Variants in SLC25A22 observed in about 807,000 individuals in gnomAD.
The protein encoded by SLC25A22 is mitochondrial glutamate carrier 1.
A neutral mutation model predicts 33.7 loss-of-function variants in SLC25A22; 23 were observed. That is an observed-to-expected ratio of 0.68 (90% CI 0.49 to 0.97). SLC25A22 has a LOEUF of 0.97. Ranked by LOEUF, SLC25A22 falls within the 50% of genes least tolerant of loss-of-function variation. SLC25A22 has a pLI of 0.00. For missense variants in SLC25A22, 390 were observed against 451.1 expected, an observed-to-expected ratio of 0.86 and a Z score of 1.23; for synonymous variants, 245 against 203.8, an observed-to-expected ratio of 1.20 and a Z score of -1.72.
intron 1 of SLC25A22, among the ~76,000 whole-genome samples, chr11:797,237 G>C (rs925576315): frequency 2.0e-5 from 3 of 152,216 alleles, no homozygotes; most frequent in African/African-American, 7.2e-5. Flanking sequence ...ACGTCACCCA[G>C]TGCAGCGGAG....
rs1008137803 is a variant in SLC25A22, at chr11:790,513, A to C, written c.*1402T>G. 3.3e-5 allele frequency: 5 copies of C among 152,232 alleles called. No individual in the cohort carries two copies. Among genetic ancestry groups the C allele is most frequent in the Non-Finnish European group, 7.3e-5 (5 of 68,048 alleles). 9.4% of individuals were successfully genotyped at this position (152,232 alleles called of 1,614,324 possible). A position where few individuals can be genotyped will look rare whatever the true frequency, so the allele number is the denominator to read the frequency against. ...TTTATTTATTCTCTGACATGACAAGACACAAAAAGTTACAACTTCTTAAAA... is the reference window on the plus strand; with the variant it reads ...TTTATTTATTCTCTGACATGACAAGCCACAAAAAGTTACAACTTCTTAAAA... On this transcript the variant is annotated 3_prime_UTR_variant, in exon 10 of 10. Transcript: ENST00000628067.
chr11:794,721 C>A, intron 3 of SLC25A22, 55 bp downstream of exon 3: 1 of 1,578,582 alleles, frequency 6.3e-7, no homozygotes, highest in Non-Finnish European at 8.6e-7. Flanking sequence ...AGAGCCCCCA[C>A]CTCTCCTGCT....
intron 1 of SLC25A22, among the ~76,000 whole-genome samples, chr11:797,184 C>A (rs1864866299): frequency 6.6e-6 from 1 of 152,212 alleles, no homozygotes; most frequent in Non-Finnish European, 1.5e-5. Flanking sequence ...AGAAGAGAAG[C>A]AGGCCCAGAG....
Position 792,548 on chromosome 11 carries a change from C to T in SLC25A22, c.587+5G>A, listed in dbSNP as rs779326525. On this transcript the variant is annotated splice_donor_5th_base_variant and intron_variant, in intron 7 of 9. Transcript: ENST00000628067. ...CCCTCCCCCCACCTGCCCTGTGCCT[C>T]CTACCTGAGCAGCGTGGCCCCGAGT... 1 of 1,612,252 alleles carries T rather than the reference C, an allele frequency of 6.2e-7. No individual in the cohort carries two copies. The highest frequency in any genetic ancestry group is 1.6e-4 in the Middle Eastern group (1 of 6,084).
rs1864643841 is a variant in SLC25A22, at chr11:793,542, G to A, written c.280C>T (p.Leu94Phe). ...CAGAACCCTCACCCGTCCTTAGAGA[G>A]CTGATGTCGGAAGAAGTCGTTGGCT... The part of the protein sequence containing the change: ...LAANDFFRHQ[L>F]SKDGQKLTLL... The change falls in exon 5 of 10, where the codon CTC becomes TTC. Residue 94 changes from leucine (L) to phenylalanine (F), a missense_variant. Transcript: ENST00000628067. The A allele has an allele frequency of 6.2e-7, 1 of 1,613,500 alleles. No individual in the cohort carries two copies. Among genetic ancestry groups the A allele is most frequent in the South Asian group, 1.1e-5 (1 of 91,076 alleles).
At chr11:793,928 C>G in intron 4 of SLC25A22, 1 of 500,150 alleles carries the variant, frequency 2.0e-6, no homozygotes, top group Non-Finnish European at 3.7e-6. Context: ...GGATACCTCT[C>G]CCTCCCTGGA....
In SLC25A22 at chr11:792,598, C is replaced by T. The variant is rs752986397; in HGVS notation, c.542G>A (p.Arg181His). Residue 181 changes from arginine to histidine, a missense_variant, in exon 7 of 10, where the codon CGT becomes CAT. Physicochemically the swap from Arg to His is conservative, Grantham distance 29. Transcript: ENST00000628067. ...TQLTRDLLRS[R>H]GIAGLYKGLG... ...TCCCTTGTAGAGACCGGCAATGCCA[C>T]GGCTCCGCAGCAGGTCGCGGGTCAG... is the stretch of plus-strand genomic sequence containing the variant. 5 of 1,610,834 alleles carry T rather than the reference C, an allele frequency of 3.1e-6. No individual in the cohort carries two copies. Among genetic ancestry groups the T allele is most frequent in the Non-Finnish European group, 4.2e-6 (5 of 1,179,306 alleles).
At chr11:794,608 C>T (rs1363639947) in intron 3 of SLC25A22, 95 bp from the exon 4 acceptor site, 5 of 1,545,876 alleles carry the variant, frequency 3.2e-6, no homozygotes, top group East Asian at 2.4e-5. Context: ...GAGGCCAAGT[C>T]CTCAGCCCAG....
At chr11:793,368 G>C in intron 5 of SLC25A22, 161 bp downstream of exon 5, 2 of 709,768 alleles carry the variant, frequency 2.8e-6, no homozygotes, top group Non-Finnish European at 5.0e-6. Context: ...TTGCTCCCCT[G>C]GTCAGGGGAA....
chr11:794,396 G>C (rs1864683225), intron 4 of SLC25A22, 62 bp downstream of exon 4: 4 of 1,578,780 alleles, frequency 2.5e-6, no homozygotes, highest in Admixed American at 1.7e-5. Flanking sequence ...ACCGCTCCCT[G>C]CCACGACTCG....
Position 792,494 on chromosome 11 carries a change from G to A in SLC25A22, c.588-36C>T, listed in dbSNP as rs1409197501. On this transcript the variant is annotated intron_variant, in intron 7 of 9. Coordinates refer to ENST00000628067, the MANE Select transcript of SLC25A22 (RefSeq NM_001191061.2). ...GGAGGTGGCCGTGGGGACAGGAGGT[G>A]GTGGGGTGGGCAGGCCGGCCTCCCC... The A allele has an allele frequency of 2.5e-6, 4 of 1,612,786 alleles. No individual in the cohort carries two copies. In the Admixed American group the frequency reaches 6.7e-5, roughly 27 times the overall value.
intron 1 of SLC25A22, chr11:796,143 A>T (rs1864816089): frequency 6.5e-6 from 1 of 152,840 alleles, no homozygotes; most frequent in South Asian, 2.0e-4. Context: ...GCCATCCACC[A>T]CCGACCCCCG....
rs1246435430 is a variant in SLC25A22 at position 792,338 on chromosome 11, C to A, written c.708G>T (p.Gly236=). The change falls in exon 8 of 10, where the codon GGG becomes GGT. Residue 236 remains glycine, a synonymous_variant. Coordinates refer to ENST00000628067, the MANE Select transcript of SLC25A22 (RefSeq NM_001191061.2). ...GGTTGACGGCCACAGCGGCGGCACT[C>A]CCAGCCACACAGCCGGCCAGGAAGG... ...YVSFLAGCVA[G]SAAAVAVNPC... 2 of 1,613,096 alleles carry A rather than the reference C, an allele frequency of 1.2e-6. No homozygotes were observed. The highest frequency in any genetic ancestry group is 2.7e-5 in the African/African-American group (2 of 74,934).
rs1443168868 is a variant in SLC25A22, at chr11:792,593, T to C, written c.547A>G (p.Ile183Val). The C allele has an allele frequency of 6.2e-7, 1 of 1,611,296 alleles. No individual in the cohort carries two copies. The highest frequency in any genetic ancestry group is 1.1e-5 in the South Asian group (1 of 90,954). Residue 183 changes from isoleucine to valine, a missense_variant, in exon 7 of 10, where the codon ATT becomes GTT. Physicochemically the swap from Ile to Val is conservative, Grantham distance 29 (BLOSUM62 3). Transcript: ENST00000628067. ...CCGAGTCCCTTGTAGAGACCGGCAA[T>C]GCCACGGCTCCGCAGCAGGTCGCGG... Reference protein sequence around the residue: ...LTRDLLRSRGIAGLYKGLGAT... With the variant: ...LTRDLLRSRGVAGLYKGLGAT...
chr11:792,817 C>A, intron 6 of SLC25A22, 53 bp downstream of exon 6: 13 of 1,553,184 alleles, frequency 8.4e-6, no homozygotes, highest in Non-Finnish European at 1.1e-5. Context: ...CCTCCCCTCG[C>A]CCTCACCTCT....
chr11:793,682 C>T (rs890622708), intron 4 of SLC25A22, 63 bp from the exon 5 acceptor site: 3 of 1,158,628 alleles, frequency 2.6e-6, no homozygotes, highest in African/African-American at 3.0e-5. Flanking sequence ...GGCGCTTGGC[C>T]AGGACTTGCC....
intron 1 of SLC25A22, chr11:797,560 G>A (rs919922730): frequency 2.3e-5 from 9 of 398,238 alleles, no homozygotes; most frequent in Admixed American, 4.4e-5. Flanking sequence ...CGCTGCTTCC[G>A]AATCTGCAGG....
At chr11:793,849 C>T (rs548593587) in intron 4 of SLC25A22, 4 of 590,172 alleles carry the variant, frequency 6.8e-6, no homozygotes, top group African/African-American at 5.6e-5. Context: ...CTCCATCTGT[C>T]TCTGATTCTG....
At position 790,858 on chromosome 11, in the gene SLC25A22, G is replaced by A. The variant is rs375049082; in HGVS notation, c.*1057C>T. The stretch of plus-strand genomic sequence containing the variant: ...TCAGGGGCCTTATGCCCGGAGGCGG[G>A]AAGGATGGGGCTTCTGCAGTGTACC... On this transcript the variant is annotated 3_prime_UTR_variant, in exon 10 of 10. Transcript: ENST00000628067. 2.6e-5 allele frequency: 4 copies of A among 152,368 alleles called. No homozygotes were observed. Among genetic ancestry groups the A allele is most frequent in the African/African-American group, 9.6e-5 (4 of 41,548 alleles). The allele number at this position is 152,368 out of a possible 1,614,324, so 9.4% of individuals were successfully genotyped here.
Sources: allele counts gnomAD v4.1 joint callset (sites outside exome capture counted in the v4.1 genomes callset), GRCh38; gene constraint gnomAD v4.1.1; transcripts MANE v1.5; gene names NCBI Gene and HGNC (gene_info 2026-07-23, HGNC 2026-07-21).